The following DAAM1 variants were observed in gnomAD, a reference collection of about 807,000 sequenced individuals.
The protein encoded by DAAM1 is dishevelled associated activator of morphogenesis 1.
In DAAM1, 52 loss-of-function variants were observed where a neutral mutation model predicts 130.0. That is an observed-to-expected ratio of 0.40 (90% CI 0.32 to 0.50). The LOEUF (loss-of-function observed/expected upper bound fraction) is 0.50. Among genes scored for constraint, DAAM1 ranks in the 20% least tolerant of loss-of-function variants. The probability of loss-of-function intolerance (pLI) is 0.61; values close to 1 mark genes in which losing one functional copy is unlikely to be tolerated. For synonymous variants in DAAM1, 452 were observed against 444.5 expected, an observed-to-expected ratio of 1.02 and a Z score of -0.21; for missense variants, 1,134 against 1,303.8, an observed-to-expected ratio of 0.87 and a Z score of 2.01.
At chr14:59,225,366 TTTGTTG>T (rs1888910130) in intron 1 of DAAM1, among the ~76,000 whole-genome samples, 1 of 152,158 alleles carries the variant, frequency 6.6e-6, no homozygotes, top group African/African-American at 2.4e-5. Context: ...TCTAAGGTAA[TTTGTTG>T]TAGCAGCCTT....
chr14:59,235,900 C>T (rs2139453041), intron 1 of DAAM1, among the ~76,000 whole-genome samples: 1 of 152,284 alleles, frequency 6.6e-6, no homozygotes, highest in East Asian at 1.9e-4. Context: ...AACACGCATG[C>T]AGCTGGTGCA....
intron 2 of DAAM1, among the ~76,000 whole-genome samples, chr14:59,267,650 A>G (rs1175491210): frequency 6.6e-6 from 1 of 152,144 alleles, no homozygotes; most frequent in Non-Finnish European, 1.5e-5. Context: ...TGACCTCTAA[A>G]TCCATAAACC....
In DAAM1 at chr14:59,188,752, A is replaced by T. The variant is rs920812669; in HGVS notation, c.-54A>T. ...CAGAGTGCAGAGCCGCCTTTCCAGC[A>T]TGCAGGGGCTGCTCAGGTAAGGGGG... On this transcript the variant is annotated 5_prime_UTR_variant, in exon 1 of 25. An upstream start codon of the reference 5' UTR is lost. Coordinates refer to ENST00000360909, the MANE Select transcript of DAAM1 (RefSeq NM_001270520.2). 3 of 152,946 alleles carry T rather than the reference A, an allele frequency of 2.0e-5. No homozygotes were observed. Among genetic ancestry groups the T allele is most frequent in the Non-Finnish European group, 2.9e-5 (2 of 68,306 alleles). The allele number at this position is 152,946 out of a possible 1,614,324, so 9.5% of individuals were successfully genotyped here.
intron 1 of DAAM1, among the ~76,000 whole-genome samples, chr14:59,253,839 G>C (rs1213479920): frequency 6.6e-6 from 1 of 152,168 alleles, no homozygotes; most frequent in South Asian, 2.1e-4. Context: ...TCAGCCCAGA[G>C]TACCTCCAGT....
chr14:59,212,735 A>AT (rs577109644), intron 1 of DAAM1, among the ~76,000 whole-genome samples: 3 of 151,948 alleles, frequency 2.0e-5, no homozygotes, highest in East Asian at 3.9e-4. Context: ...GAATCTTTAA[A>AT]TTTTTTTTTA....
chr14:59,311,176 A>G (rs1416087845), intron 3 of DAAM1, among the ~76,000 whole-genome samples: 1 of 152,208 alleles, frequency 6.6e-6, no homozygotes, highest in South Asian at 2.1e-4. Flanking sequence ...TTCTAAATAT[A>G]TGAGTATAGA....
intron 16 of DAAM1, among the ~76,000 whole-genome samples, chr14:59,343,944 T>A (rs538118140): frequency 6.6e-6 from 1 of 152,322 alleles, no homozygotes; most frequent in African/African-American, 2.4e-5. Context: ...CCTCAGGTCC[T>A]CAGGGAATAA....
At chr14:59,286,210 A>T (rs182694818) in intron 2 of DAAM1, among the ~76,000 whole-genome samples, 380 of 151,946 alleles carry the variant, frequency 2.5e-3, no homozygotes, top group Non-Finnish European at 3.5e-3. Context: ...AAGTATAAAA[A>T]TTTTTTTTTA....
chr14:59,307,778 C>G (rs1234567011), intron 3 of DAAM1, among the ~76,000 whole-genome samples: 1 of 152,112 alleles, frequency 6.6e-6, no homozygotes, highest in Non-Finnish European at 1.5e-5. Flanking sequence ...TAGCAAAAGT[C>G]ATCTGGAGGT....
Position 59,367,524 on chromosome 14 carries a change from A to C in DAAM1, c.2922A>C (p.Ser974=). 1.2e-6 allele frequency: 2 copies of C among 1,614,120 alleles called. No homozygotes were observed. The highest frequency in any genetic ancestry group is 8.5e-7 in the Non-Finnish European group (1 of 1,179,984). The change falls in exon 24 of 25, where the codon TCA becomes TCC. Residue 974 remains serine, a synonymous_variant. Coordinates refer to ENST00000360909, the MANE Select transcript of DAAM1 (RefSeq NM_001270520.2). ...GIFDQFLQAV[S]EAKQENENMR... Reference sequence around the variant, plus strand: ...TTGATCAATTTCTTCAAGCTGTGTCAGAAGCCAAACAAGAAAACGAAAATA... The same window carrying C: ...TTGATCAATTTCTTCAAGCTGTGTCCGAAGCCAAACAAGAAAACGAAAATA...
chr14:59,259,406 G>A (rs1004163965), intron 1 of DAAM1, among the ~76,000 whole-genome samples: 1 of 152,194 alleles, frequency 6.6e-6, no homozygotes, highest in South Asian at 2.1e-4. Flanking sequence ...AATGTGGGCC[G>A]TAGGACCCTG....
At chr14:59,229,343 G>C (rs1467649291) in intron 1 of DAAM1, among the ~76,000 whole-genome samples, 1 of 152,164 alleles carries the variant, frequency 6.6e-6, no homozygotes, top group African/African-American at 2.4e-5. Context: ...ACTTCATCGT[G>C]CAAGGATTTA....
intron 3 of DAAM1, among the ~76,000 whole-genome samples, chr14:59,292,329 A>G (rs1158319536): frequency 2.6e-5 from 4 of 152,208 alleles, no homozygotes; most frequent in Non-Finnish European, 5.9e-5. Flanking sequence ...GCCTTTTACT[A>G]GGTGAAACCA....
chr14:59,221,418 G>T (rs1356218703), intron 1 of DAAM1, among the ~76,000 whole-genome samples: 2 of 152,190 alleles, frequency 1.3e-5, no homozygotes. Context: ...TGGTCACATG[G>T]TCACAGATGG....
intron 12 of DAAM1, among the ~76,000 whole-genome samples, chr14:59,329,390 A>G (rs1316523845): frequency 1.3e-5 from 2 of 152,218 alleles, no homozygotes; most frequent in African/African-American, 4.8e-5. Context: ...AGGCAACAAC[A>G]GAGTGGTAGA....
chr14:59,243,262 T>C (rs984017561), intron 1 of DAAM1, among the ~76,000 whole-genome samples: 7 of 152,080 alleles, frequency 4.6e-5, no homozygotes, highest in African/African-American at 1.7e-4. Flanking sequence ...TTCACTGCTT[T>C]GTGTAGGTCC....
At chr14:59,224,509 G>T (rs1009704145) in intron 1 of DAAM1, among the ~76,000 whole-genome samples, 2 of 152,204 alleles carry the variant, frequency 1.3e-5, no homozygotes, top group Admixed American at 1.3e-4. Context: ...CACGTAACTT[G>T]TTTGATTTCA....
chr14:59,289,259 G>A (rs371431467), intron 2 of DAAM1, among the ~76,000 whole-genome samples: 10 of 152,126 alleles, frequency 6.6e-5, no homozygotes, highest in East Asian at 3.9e-4. Flanking sequence ...GAACTCACTC[G>A]CTCATCACAA....
chr14:59,343,374 C>A (rs1434689310), intron 16 of DAAM1, among the ~76,000 whole-genome samples: 1 of 152,148 alleles, frequency 6.6e-6, no homozygotes, highest in Admixed American at 6.5e-5. Context: ...GATGAAGAAG[C>A]CCTTGAAGGC....
Sources: gnomAD v4.1 joint callset for allele counts (sites outside exome capture counted in the v4.1 genomes callset) on GRCh38, gnomAD v4.1.1 for gene constraint, MANE v1.5 for transcripts, NCBI Gene and HGNC (gene_info 2026-07-23, HGNC 2026-07-21) for gene names.